The following MIPOL1 variants were observed in gnomAD, a reference collection of about 807,000 sequenced individuals.
MIPOL1 encodes the protein mirror-image polydactyly 1, also known as mirror-image polydactyly gene 1 protein.
Under a neutral mutation model 60.9 loss-of-function variants are expected in MIPOL1, and 57 were observed. The observed-to-expected ratio is 0.94, with a 90% confidence interval of 0.76 to 1.17. The LOEUF (loss-of-function observed/expected upper bound fraction) is 1.17, where lower values mean the gene tolerates loss of function less well. Among genes scored for constraint, MIPOL1 ranks in the 50% most tolerant of loss-of-function variants. The probability of loss-of-function intolerance (pLI) is 0.00; values close to 1 mark genes in which losing one functional copy is unlikely to be tolerated. For synonymous variants in MIPOL1, 179 were observed against 168.8 expected, an observed-to-expected ratio of 1.06 and a Z score of -0.47; for missense variants, 551 against 511.6, an observed-to-expected ratio of 1.08 and a Z score of -0.74.
chr14:37,375,234 T>C (rs891187906), intron 10 of MIPOL1, among the ~76,000 whole-genome samples: 3 of 151,988 alleles, frequency 2.0e-5, no homozygotes, highest in East Asian at 3.9e-4. Flanking sequence ...TTTAGATGAG[T>C]GTCTCACTGT....
chr14:37,272,021 A>G (rs545496708), intron 6 of MIPOL1, among the ~76,000 whole-genome samples: 4 of 151,638 alleles, frequency 2.6e-5, no homozygotes, highest in South Asian at 2.1e-4. Flanking sequence ...AAGTGTTCCC[A>G]TTTGAACAGT....
At chr14:37,329,259 A>T (rs1030617093) in intron 9 of MIPOL1, among the ~76,000 whole-genome samples, 2 of 152,130 alleles carry the variant, frequency 1.3e-5, no homozygotes, top group Non-Finnish European at 2.9e-5. Flanking sequence ...GAATGCGGGT[A>T]AATGATTGAC....
chr14:37,337,127 T>C (rs1054509004), intron 9 of MIPOL1, among the ~76,000 whole-genome samples: 3 of 151,542 alleles, frequency 2.0e-5, no homozygotes, highest in Non-Finnish European at 2.9e-5. Flanking sequence ...TGTGGCTTCT[T>C]AAATGGTTTC....
intron 12 of MIPOL1, among the ~76,000 whole-genome samples, chr14:37,533,701 T>G (rs2095492367): frequency 1.3e-5 from 2 of 152,222 alleles, no homozygotes; most frequent in African/African-American, 4.8e-5. Context: ...CAAATAATTT[T>G]AAATGGGATC....
chr14:37,288,092 T>C (rs2084734149), intron 7 of MIPOL1, among the ~76,000 whole-genome samples: 1 of 152,212 alleles, frequency 6.6e-6, no homozygotes, highest in South Asian at 2.1e-4. Context: ...TGCCCTGAAA[T>C]ACACTTCTAT....
intron 3 of MIPOL1, among the ~76,000 whole-genome samples, chr14:37,257,163 T>C (rs1414150666): frequency 6.7e-6 from 1 of 150,044 alleles, no homozygotes; most frequent in Admixed American, 6.7e-5. Flanking sequence ...TTGAATAAAA[T>C]ATATCATTTA....
At chr14:37,217,987 C>T (rs1347012906) in intron 1 of MIPOL1, among the ~76,000 whole-genome samples, 1 of 152,088 alleles carries the variant, frequency 6.6e-6, no homozygotes, top group East Asian at 1.9e-4. Flanking sequence ...TTATCTAGTT[C>T]AAAATGTTGT....
intron 12 of MIPOL1, among the ~76,000 whole-genome samples, chr14:37,533,779 C>T (rs984947482): frequency 1.6e-4 from 25 of 152,156 alleles, no homozygotes; most frequent in Non-Finnish European, 3.2e-4. Flanking sequence ...TTTTTGACTC[C>T]GATGCTTCTT....
intron 3 of MIPOL1, among the ~76,000 whole-genome samples, chr14:37,259,818 G>A (rs887677510): frequency 2.6e-5 from 4 of 152,054 alleles, no homozygotes; most frequent in Non-Finnish European, 4.4e-5. Context: ...ATTAAAAATT[G>A]TATAAGCAAT....
At chr14:37,344,065 T>C (rs2090766887) in intron 9 of MIPOL1, among the ~76,000 whole-genome samples, 1 of 152,148 alleles carries the variant, frequency 6.6e-6, no homozygotes, top group Admixed American at 6.6e-5. Context: ...CTCAGAAATA[T>C]ATAGACTCTT....
intron 10 of MIPOL1, among the ~76,000 whole-genome samples, chr14:37,392,148 G>C (rs117536244): frequency 0.03 from 4,624 of 151,868 alleles, 104 homozygotes; most frequent in Non-Finnish European, 0.047. Flanking sequence ...AAATCCAGTT[G>C]GGCTTTTGAT....
chr14:37,349,603 A>C (rs1032892041), intron 9 of MIPOL1, among the ~76,000 whole-genome samples: 3 of 152,172 alleles, frequency 2.0e-5, no homozygotes, highest in African/African-American at 7.2e-5. Flanking sequence ...ATTTACTGCT[A>C]TATCTTCTTA....
intron 7 of MIPOL1, among the ~76,000 whole-genome samples, chr14:37,303,965 A>G (rs188233845): frequency 4.9e-4 from 74 of 151,920 alleles, no homozygotes; most frequent in African/African-American, 1.6e-3. Context: ...ACAGCAACAA[A>G]GAATATTATG....
At chr14:37,280,653 ATTTAT>A (rs2084029008) in intron 6 of MIPOL1, among the ~76,000 whole-genome samples, 2 of 151,658 alleles carry the variant, frequency 1.3e-5, no homozygotes, top group Non-Finnish European at 2.9e-5. Flanking sequence ...GCCCATTTTT[ATTTAT>A]TTTATTTTAT....
intron 11 of MIPOL1, among the ~76,000 whole-genome samples, chr14:37,467,430 A>C (rs1295176858): frequency 6.6e-6 from 1 of 152,226 alleles, no homozygotes; most frequent in Non-Finnish European, 1.5e-5. Context: ...ATTATGATAA[A>C]TATCATTTTT....
intron 9 of MIPOL1, among the ~76,000 whole-genome samples, chr14:37,329,558 A>T (rs892140727): frequency 1.3e-5 from 2 of 152,162 alleles, no homozygotes; most frequent in Non-Finnish European, 2.9e-5. Flanking sequence ...ATGTTTGGGC[A>T]GCACATATTA....
chr14:37,502,223 G>C (rs550221833), intron 12 of MIPOL1: 1 of 152,474 alleles, frequency 6.6e-6, no homozygotes, highest in South Asian at 2.1e-4. Context: ...GTCCCTGTCT[G>C]ACAGCTCTGA....
At chr14:37,226,936 G>A (rs1014282438) in intron 1 of MIPOL1, among the ~76,000 whole-genome samples, 1 of 152,184 alleles carries the variant, frequency 6.6e-6, no homozygotes, top group Admixed American at 6.5e-5. Context: ...TAAGAATTCA[G>A]TGTCCAGTTA....
chr14:37,410,931 GA>G (rs375700957), intron 10 of MIPOL1, among the ~76,000 whole-genome samples: 5 of 152,088 alleles, frequency 3.3e-5, no homozygotes, highest in African/African-American at 1.2e-4. Context: ...AACTAGCGAG[GA>G]AAGTAGAAAG....
Sources: allele counts gnomAD v4.1 joint callset (sites outside exome capture counted in the v4.1 genomes callset), GRCh38; gene constraint gnomAD v4.1.1; transcripts MANE v1.5; gene names NCBI Gene and HGNC (gene_info 2026-07-23, HGNC 2026-07-21).